The following BCAS3 variants were observed in gnomAD, a reference collection of about 807,000 sequenced individuals.
BCAS3 encodes the protein BCAS4/BCAS3 fusion.
Under a neutral mutation model 116.1 loss-of-function variants are expected in BCAS3, and 53 were observed. That is an observed-to-expected ratio of 0.46 (90% CI 0.37 to 0.57). BCAS3 has a LOEUF of 0.57. Among genes scored for constraint, BCAS3 ranks in the 20% least tolerant of loss-of-function variants. The pLI is 0.00. For missense variants in BCAS3, 917 were observed against 1,165.4 expected, an observed-to-expected ratio of 0.79 and a Z score of 3.10; for synonymous variants, 391 against 408.2, an observed-to-expected ratio of 0.96 and a Z score of 0.51.
chr17:61,304,021 A>G (rs1403702277), intron 22 of BCAS3, among the ~76,000 whole-genome samples: 1 of 152,140 alleles, frequency 6.6e-6, no homozygotes, highest in Non-Finnish European at 1.5e-5. Flanking sequence ...CATCCACCCT[A>G]TCAACAAAAC....
At chr17:60,805,925 T>A (rs1349721146) in intron 6 of BCAS3, among the ~76,000 whole-genome samples, 1 of 149,288 alleles carries the variant, frequency 6.7e-6, no homozygotes, top group Non-Finnish European at 1.5e-5. Flanking sequence ...GGCGTTGGCA[T>A]GATCTTGGCT....
chr17:61,372,379 CT>C (rs2059094523), intron 23 of BCAS3, among the ~76,000 whole-genome samples: 1 of 152,232 alleles, frequency 6.6e-6, no homozygotes, highest in African/African-American at 2.4e-5. Flanking sequence ...CTGGTCTCTT[CT>C]CTCTCAGTAC....
At chr17:61,357,513 C>T (rs889257756) in intron 22 of BCAS3, among the ~76,000 whole-genome samples, 2 of 148,914 alleles carry the variant, frequency 1.3e-5, no homozygotes, top group Admixed American at 6.7e-5. Flanking sequence ...GGCGCGATCT[C>T]GGCTCACTGC....
intron 9 of BCAS3, among the ~76,000 whole-genome samples, chr17:60,878,051 C>G (rs1209918740): frequency 6.7e-6 from 1 of 149,824 alleles, no homozygotes; most frequent in African/African-American, 2.5e-5. Flanking sequence ...ACTCTTTTGC[C>G]CAGGCTGGAG....
chr17:60,977,115 C>G (rs1162200937), intron 14 of BCAS3, among the ~76,000 whole-genome samples: 3 of 151,808 alleles, frequency 2.0e-5, no homozygotes, highest in Non-Finnish European at 4.4e-5. Flanking sequence ...GGGCTGCCCC[C>G]CACCTCCCGG....
chr17:60,910,239 T>TA (rs2058420922), intron 11 of BCAS3, among the ~76,000 whole-genome samples: 1 of 152,208 alleles, frequency 6.6e-6, no homozygotes, highest in South Asian at 2.1e-4. Context: ...TCTATAAAAA[T>TA]ATAATTGTAC....
At chr17:60,761,525 A>G (rs2043531240) in intron 6 of BCAS3, among the ~76,000 whole-genome samples, 1 of 152,144 alleles carries the variant, frequency 6.6e-6, no homozygotes, top group Middle Eastern at 3.2e-3. Flanking sequence ...GTCCCTGCAA[A>G]GGACATGAAC....
At chr17:60,949,834 T>C (rs2060736288) in intron 14 of BCAS3, among the ~76,000 whole-genome samples, 1 of 152,148 alleles carries the variant, frequency 6.6e-6, no homozygotes, top group African/African-American at 2.4e-5. Flanking sequence ...AATACAGAAA[T>C]AGAGGGATAA....
chr17:61,368,601 T>C lies in BCAS3; in HGVS notation c.2593+107T>C, dbSNP rs1001009872. 2.8e-5 allele frequency: 37 copies of C among 1,320,098 alleles called. No individual in the cohort carries two copies. Among genetic ancestry groups the C allele is most frequent in the Non-Finnish European group, 3.6e-5 (35 of 979,146 alleles). 81.8% of individuals were successfully genotyped at this position (1,320,098 alleles called of 1,614,324 possible). ...GGCATATGTTTGTTTTTGCTGTTGGTTTCTTTAGTTAGCACTCCAGTGGCT... is the reference window on the plus strand; with the variant it reads ...GGCATATGTTTGTTTTTGCTGTTGGCTTCTTTAGTTAGCACTCCAGTGGCT... On this transcript the variant is annotated intron_variant, in intron 23 of 23. Coordinates refer to ENST00000407086, the MANE Select transcript of BCAS3 (RefSeq NM_017679.5). This position sits in a 1 kb window ranked among gnomAD's most constrained non-coding sequence, Gnocchi z 6.0.
chr17:60,750,128 T>C (rs994768446), intron 6 of BCAS3, among the ~76,000 whole-genome samples: 1 of 151,894 alleles, frequency 6.6e-6, no homozygotes. Flanking sequence ...GGTAGCACCA[T>C]TGCATTCCAG....
Position 60,702,915 on chromosome 17 carries a change from G to T in BCAS3, c.215-6304G>T, listed in dbSNP as rs547624682. Among the ~76,000 whole-genome samples the T allele has an allele frequency of 3.3e-5, 5 of 152,218 alleles. No homozygotes were observed. The South Asian group carries it at 8.3e-4, about 25-fold the overall frequency. Reference sequence around the variant, plus strand: ...CCAAGGAAAGGAAATTCTTGATGCTGTCATTGCAGTGACACCAGCAGGCAC... The same window carrying T: ...CCAAGGAAAGGAAATTCTTGATGCTTTCATTGCAGTGACACCAGCAGGCAC... On this transcript the variant is annotated intron_variant, in intron 4 of 23. Coordinates refer to ENST00000407086, the MANE Select transcript of BCAS3 (RefSeq NM_017679.5).
At chr17:60,859,619 A>T (rs376914064) in intron 7 of BCAS3, among the ~76,000 whole-genome samples, 9 of 149,752 alleles carry the variant, frequency 6.0e-5, no homozygotes, top group Admixed American at 4.7e-4. Flanking sequence ...CACAGACTGG[A>T]GTGCAGTGGT....
intron 9 of BCAS3, among the ~76,000 whole-genome samples, chr17:60,883,049 C>T (rs1464347904): frequency 2.3e-5 from 3 of 132,362 alleles, no homozygotes; most frequent in Non-Finnish European, 3.2e-5. Flanking sequence ...GCCATTTTCA[C>T]GATATTGATT....
At chr17:61,266,629 T>C (rs2049742649) in intron 22 of BCAS3, among the ~76,000 whole-genome samples, 1 of 152,192 alleles carries the variant, frequency 6.6e-6, no homozygotes, top group African/African-American at 2.4e-5. Context: ...TGACCTTACA[T>C]GTAGGTACTG....
intron 4 of BCAS3, among the ~76,000 whole-genome samples, chr17:60,692,945 T>C (rs1448470116): frequency 1.3e-5 from 2 of 151,728 alleles, no homozygotes; most frequent in Admixed American, 1.3e-4. Context: ...TGAAACTAAG[T>C]TGTTATCTGA....
At chr17:60,979,830 A>G (rs1476046886) in intron 14 of BCAS3, among the ~76,000 whole-genome samples, 3 of 152,172 alleles carry the variant, frequency 2.0e-5, no homozygotes, top group Non-Finnish European at 4.4e-5. Context: ...CCAGCCTTGC[A>G]TCCCAGGGAT....
chr17:60,943,964 C>T (rs28799343), intron 13 of BCAS3, among the ~76,000 whole-genome samples: 39 of 152,114 alleles, frequency 2.6e-4, no homozygotes, highest in African/African-American at 9.2e-4. Flanking sequence ...ATATCAAAAT[C>T]TGTTACATTT....
chr17:60,776,803 G>C (rs2045338215), intron 6 of BCAS3, among the ~76,000 whole-genome samples: 1 of 151,696 alleles, frequency 6.6e-6, no homozygotes, highest in Non-Finnish European at 1.5e-5. Flanking sequence ...ATCACTTGAG[G>C]TCAGGAGTTA....
In BCAS3 at chr17:60,854,322, A is replaced by G. The variant is rs1363801544; in HGVS notation, c.477-14254A>G. 4.7e-4 allele frequency among the ~76,000 whole-genome samples: 72 copies of G among 152,252 alleles called. 2 individuals are homozygous for G. Among genetic ancestry groups the G allele is most frequent in the Admixed American group, 4.7e-3 (72 of 15,282 alleles). On this transcript the variant is annotated intron_variant, in intron 7 of 23. Coordinates refer to ENST00000407086, the MANE Select transcript of BCAS3 (RefSeq NM_017679.5). ...ATTGATGCACATTTGGGTTGGTTCCAAGTCTTTGCTGTTGTGAATAGTGCC... is the reference window on the plus strand; with the variant it reads ...ATTGATGCACATTTGGGTTGGTTCCGAGTCTTTGCTGTTGTGAATAGTGCC...
Sources: gnomAD v4.1 joint callset for allele counts (sites outside exome capture counted in the v4.1 genomes callset) on GRCh38, gnomAD v4.1.1 for gene constraint, Gnocchi (gnomAD v3.1) non-coding constraint, MANE v1.5 for transcripts, NCBI Gene and HGNC (gene_info 2026-07-23, HGNC 2026-07-21) for gene names.